KLK5: variants seen among roughly 807,000 people sequenced by gnomAD.
The protein encoded by KLK5 is kallikrein-5.
A neutral mutation model predicts 24.0 loss-of-function variants in KLK5; 18 were observed. The observed-to-expected ratio is 0.75, with a 90% confidence interval of 0.52 to 1.11. KLK5 has a LOEUF of 1.11. KLK5 is among the 50% of genes most tolerant of loss of function. The pLI, the probability that KLK5 is intolerant of heterozygous loss-of-function variation, is 0.00. For synonymous variants in KLK5, 140 were observed against 154.0 expected (o/e 0.91, Z 0.67); for missense variants, 374 against 379.2 (o/e 0.99, Z 0.11).
chr19:50,949,221 C>A (rs370424630), intron 3 of KLK5, 106 bp from the exon 4 acceptor site: 2 of 1,155,344 alleles, frequency 1.7e-6, no homozygotes, highest in Non-Finnish European at 2.4e-6. Context: ...TCCCCACCCC[C>A]GGTCCCCAAA....
chr19:50,950,358 GA>G (rs1342901568), intron 2 of KLK5: 2 of 570,750 alleles, frequency 3.5e-6, no homozygotes, highest in East Asian at 5.9e-5. Context: ...GAATTGGCTA[GA>G]ACTACATGTG....
In KLK5 at chr19:50,948,702, G is replaced by A. The variant is rs766308131; in HGVS notation, c.664C>T (p.Pro222Ser). The change falls in exon 5 of 6, where the codon CCG (proline) becomes TCG (serine). Residue 222 changes from proline (P) to serine (S), a missense_variant. By Grantham distance (74) the Pro-to-Ser change is moderately conservative (BLOSUM62 -1). Coordinates refer to ENST00000336334, the MANE Select transcript of KLK5 (RefSeq NM_012427.5). ...LSQKRCEDAY[P>S]RQIDDTMFCA... ...AACATGGTGTCATCTATCTGTCTCG[G>A]GTAAGCATCCTCGCACCTTTTCTGA... is the stretch of plus-strand genomic sequence containing the variant. The A allele has an allele frequency of 7.4e-6, 12 of 1,614,090 alleles. No homozygotes were observed. Among genetic ancestry groups the A allele is most frequent in the Admixed American group, 5.0e-5 (3 of 59,986 alleles).
In KLK5 at chr19:50,952,592, C is replaced by T. The variant is rs1319218875; in HGVS notation, c.66G>A (p.Gly22=). The T allele has an allele frequency of 1.9e-6, 3 of 1,606,514 alleles. No homozygotes were observed. Residue 22 remains glycine (G), a synonymous_variant, in exon 2 of 6, where the codon GGG becomes GGA. Coordinates refer to ENST00000336334, the MANE Select transcript of KLK5 (RefSeq NM_012427.5). ...CCCCAGAGTTCTGGTTACCTGTGAC[C>T]CCCAGAAGCAAGGCTGTGATCAGAG... is the stretch of plus-strand genomic sequence containing the variant. ...LCALITALLL[G]VTEHVLANND... is the part of the protein sequence containing the mutation.
intron 3 of KLK5, among the ~76,000 whole-genome samples, chr19:50,949,559 A>C: frequency 1.3e-5 from 2 of 150,758 alleles, no homozygotes; most frequent in African/African-American, 4.9e-5. Flanking sequence ...CTAACCCCAA[A>C]TCCAACCCAT....
At position 50,951,465 on chromosome 19, in the gene KLK5, G is replaced by T. The variant is rs533017908; in HGVS notation, c.73+1120C>A. ...TTTTTGTATTTTTAGTAGAGACGGG[G>T]TTCTCCATGTTGGTCAGGCTGGCCT... is the stretch of plus-strand genomic sequence containing the variant. On this transcript the variant is annotated intron_variant, in intron 2 of 5. Transcript: ENST00000336334. Among the ~76,000 whole-genome samples, 4 of 152,070 alleles carry T rather than the reference G, an allele frequency of 2.6e-5. No homozygotes were observed. In the South Asian group the frequency reaches 8.3e-4, roughly 32 times the overall value.
At chr19:50,946,187 T>A (rs1302563443) in intron 5 of KLK5, among the ~76,000 whole-genome samples, 1 of 152,248 alleles carries the variant, frequency 6.6e-6, no homozygotes, top group Non-Finnish European at 1.5e-5. Context: ...CATTATTTTT[T>A]AAATTTAATA....
intron 5 of KLK5, 82 bp from the exon 6 acceptor site, chr19:50,943,868 C>A (rs1344961406): frequency 1.8e-6 from 2 of 1,093,606 alleles, no homozygotes; most frequent in Non-Finnish European, 2.6e-6. Context: ...CCAGAGATGC[C>A]CATAGATGGA....
At chr19:50,946,810 C>T (rs527480783) in intron 5 of KLK5, among the ~76,000 whole-genome samples, 72 of 152,268 alleles carry the variant, frequency 4.7e-4, no homozygotes, top group East Asian at 9.7e-4. Context: ...CCACCCGCCT[C>T]GGCCTCCCAA....
chr19:50,946,642 T>C lies in KLK5; in HGVS notation c.726+1998A>G, dbSNP rs1205775128. Among the ~76,000 whole-genome samples, 20 of 151,936 alleles carry C rather than the reference T, an allele frequency of 1.3e-4. No homozygotes were observed. In the South Asian group the frequency reaches 1.9e-3, roughly 14 times the overall value. On this transcript the variant is annotated intron_variant, in intron 5 of 5. Coordinates refer to ENST00000336334, the MANE Select transcript of KLK5 (RefSeq NM_012427.5). ...TGGTGCAACCTCGGCTCACTGCAAG[T>C]TCCGCCTCCCGGGTTCAGGCCATTC... is the stretch of plus-strand genomic sequence containing the variant.
chr19:50,945,175 C>T (rs1470831980), intron 5 of KLK5, among the ~76,000 whole-genome samples: 1 of 151,508 alleles, frequency 6.6e-6, no homozygotes, highest in African/African-American at 2.4e-5. Flanking sequence ...GCAGTGCAGT[C>T]ATGGCTTACC....
Position 50,943,463 on chromosome 19 carries a change from G to A in KLK5, c.*168C>T, listed in dbSNP as rs2090605738. The stretch of plus-strand genomic sequence containing the variant: ...TCCCAGGGTTCAACTAGAGAGACAC[G>A]GTCAGCCCAATGTGGGGGAAGCAGA... On this transcript the variant is annotated 3_prime_UTR_variant, in exon 6 of 6. Coordinates refer to ENST00000336334, the MANE Select transcript of KLK5 (RefSeq NM_012427.5). 6.6e-6 allele frequency: 4 copies of A among 610,346 alleles called. No individual in the cohort carries two copies. The highest frequency in any genetic ancestry group is 1.1e-5 in the Non-Finnish European group (4 of 353,622). 37.8% of individuals were successfully genotyped at this position (610,346 alleles called of 1,614,324 possible). A position where few individuals can be genotyped will look rare whatever the true frequency, so the allele number is the denominator to read the frequency against.
chr19:50,952,792 G>A lies in KLK5; in HGVS notation c.-57C>T, dbSNP rs1475086710. 2.1e-5 allele frequency: 12 copies of A among 573,604 alleles called. No individual in the cohort carries two copies. Among genetic ancestry groups the A allele is most frequent in the Admixed American group, 3.5e-5 (1 of 28,512 alleles). The allele number at this position is 573,604 out of a possible 1,614,324, so 35.5% of individuals were successfully genotyped here. On this transcript the variant is annotated 5_prime_UTR_variant, in exon 1 of 6. Coordinates refer to ENST00000336334, the MANE Select transcript of KLK5 (RefSeq NM_012427.5). ...GGAACCACAAGGACGGGCCACCATC[G>A]GCACTGCGCTGAGACCCAGGCACTA...
intron 5 of KLK5, among the ~76,000 whole-genome samples, chr19:50,945,060 C>CTCCT (rs912788827): frequency 1.7e-3 from 232 of 132,958 alleles, no homozygotes; most frequent in African/African-American, 1.9e-3. Context: ...TCCTTTCTTT[C>CTCCT]TCCTTCCTTC....
At chr19:50,952,239 C>T (rs2090693860) in intron 2 of KLK5, among the ~76,000 whole-genome samples, 1 of 80,964 alleles carries the variant, frequency 1.2e-5, no homozygotes, top group East Asian at 7.6e-4. Flanking sequence ...GCCAAACACA[C>T]AGTGAACACC....
chr19:50,949,824 C>T, intron 3 of KLK5, 31 bp downstream of exon 3: 4 of 1,327,392 alleles, frequency 3.0e-6, no homozygotes, highest in Non-Finnish European at 4.1e-6. Context: ...TCCCCGTCCC[C>T]ACCAACCCTC....
rs1235152079 is a variant in KLK5, at chr19:50,948,870, T to C, written c.581A>G (p.Lys194Arg). The C allele has an allele frequency of 1.9e-6, 3 of 1,613,860 alleles. No homozygotes were observed. Among genetic ancestry groups the C allele is most frequent in the East Asian group, 2.2e-5 (1 of 44,874 alleles). Reference protein sequence around the residue: ...KCLVSGWGTTKSPQVHFPKVL... With the variant: ...KCLVSGWGTTRSPQVHFPKVL... ...ACCTGGACACTCACCTTGGGGGCTC[T>C]TGGTTGTCCCCCAGCCAGACACCAA... Residue 194 changes from lysine (K) to arginine (R), a missense_variant, in exon 4 of 6, where the codon AAG (lysine) becomes AGG (arginine). Transcript: ENST00000336334.
At chr19:50,948,159 GTC>G (rs1187678724) in intron 5 of KLK5, among the ~76,000 whole-genome samples, 1 of 149,790 alleles carries the variant, frequency 6.7e-6, no homozygotes, top group Admixed American at 6.7e-5. Flanking sequence ...GTGTCACTCT[GTC>G]TCCCAGGTTG....
At position 50,946,802 on chromosome 19, in the gene KLK5, A is replaced by G. The variant is rs867900329; in HGVS notation, c.726+1838T>C. On this transcript the variant is annotated intron_variant, in intron 5 of 5. Transcript: ENST00000336334. ...TCTCCATCTCCTGACCTAGTGATCC[A>G]CCCGCCTCGGCCTCCCAAAGTGTTG... 3.1e-4 allele frequency among the ~76,000 whole-genome samples: 47 copies of G among 151,570 alleles called. 1 individual carries two copies. The East Asian group carries it at 6.2e-3, about 20-fold the overall frequency.
chr19:50,944,380 A>G (rs1324646467), intron 5 of KLK5, among the ~76,000 whole-genome samples: 1 of 152,146 alleles, frequency 6.6e-6, no homozygotes, highest in Non-Finnish European at 1.5e-5. Context: ...TTGTCCACAC[A>G]TCATTTCGGG....
Sources: gnomAD v4.1 joint callset for allele counts (sites outside exome capture counted in the v4.1 genomes callset) on GRCh38, gnomAD v4.1.1 for gene constraint, MANE v1.5 for transcripts, NCBI Gene and HGNC (gene_info 2026-07-23, HGNC 2026-07-21) for gene names.